WDFY4: variants seen among roughly 807,000 people sequenced by gnomAD.
WDFY4 encodes the protein WDFY family member 4.
In WDFY4, 169 loss-of-function variants were observed where a neutral mutation model predicts 351.9. That is an observed-to-expected ratio of 0.48 (90% CI 0.42 to 0.55). The LOEUF (loss-of-function observed/expected upper bound fraction) is 0.55. Ranked by LOEUF, WDFY4 falls within the 20% of genes least tolerant of loss-of-function variation. The pLI, the probability that WDFY4 is intolerant of heterozygous loss-of-function variation, is 0.00. For synonymous variants in WDFY4, 1,622 were observed against 1,574.6 expected, an observed-to-expected ratio of 1.03 and a Z score of -0.71; for missense variants, 3,803 against 3,935.6, an observed-to-expected ratio of 0.97 and a Z score of 0.90.
At chr10:48,686,463 A>G (rs1282129743) in intron 1 of WDFY4, among the ~76,000 whole-genome samples, 1 of 152,196 alleles carries the variant, frequency 6.6e-6, no homozygotes, top group Non-Finnish European at 1.5e-5. Context: ...CTTCATGCCC[A>G]TCTTTCACCT....
intron 19 of WDFY4, among the ~76,000 whole-genome samples, chr10:48,782,823 T>A (rs1473121329): frequency 2.0e-5 from 3 of 152,126 alleles, no homozygotes; most frequent in Non-Finnish European, 4.4e-5. Context: ...TTGGGCAAAA[T>A]GATTTGGGAA....
chr10:48,804,946 G>A (rs778549157), intron 25 of WDFY4, among the ~76,000 whole-genome samples: 6 of 152,076 alleles, frequency 3.9e-5, no homozygotes, highest in Non-Finnish European at 7.4e-5. Flanking sequence ...AGTGTCTGCT[G>A]TCTTTGTTTG....
At chr10:48,694,775 G>A (rs112858937) in intron 1 of WDFY4, among the ~76,000 whole-genome samples, 4 of 152,156 alleles carry the variant, frequency 2.6e-5, no homozygotes, top group African/African-American at 9.6e-5. Flanking sequence ...CACGCTGCCC[G>A]GGGTGCCTGT....
intron 55 of WDFY4, 121 bp from the exon 56 acceptor site, chr10:48,968,943 T>G: frequency 9.9e-7 from 1 of 1,008,996 alleles, no homozygotes. Context: ...CTGCAGTGGG[T>G]GCTGTCCTTC....
chr10:48,964,920 T>C (rs923759195), intron 54 of WDFY4, among the ~76,000 whole-genome samples: 8 of 152,198 alleles, frequency 5.3e-5, no homozygotes, highest in African/African-American at 1.9e-4. Flanking sequence ...TAAACTAACA[T>C]CTTTCTCTCT....
intron 1 of WDFY4, among the ~76,000 whole-genome samples, chr10:48,708,994 AC>A (rs1237018947): frequency 6.9e-6 from 1 of 144,410 alleles, no homozygotes. Flanking sequence ...TGAAAAAAAA[AC>A]AAACAAACAA....
At chr10:48,694,945 A>G (rs1007009580) in intron 1 of WDFY4, among the ~76,000 whole-genome samples, 2 of 152,104 alleles carry the variant, frequency 1.3e-5, no homozygotes, top group African/African-American at 4.8e-5. Context: ...GTCCCACTGC[A>G]TCTGCTTCCT....
chr10:48,924,467 T>G (rs971283040), intron 47 of WDFY4, among the ~76,000 whole-genome samples: 2 of 152,304 alleles, frequency 1.3e-5, no homozygotes, highest in Admixed American at 1.3e-4. Flanking sequence ...GGGAGAAAGA[T>G]GTAAGTAGAT....
At chr10:48,962,345 G>A (rs1725938202) in intron 53 of WDFY4, among the ~76,000 whole-genome samples, 1 of 152,160 alleles carries the variant, frequency 6.6e-6, no homozygotes, top group African/African-American at 2.4e-5. Context: ...CAGGTGACCT[G>A]GCTTCTTCAG....
Position 48,820,234 on chromosome 10 carries a change from G to A in WDFY4, c.5506G>A (p.Gly1836Arg), listed in dbSNP as rs925925066. 3 of 1,551,542 alleles carry A rather than the reference G, an allele frequency of 1.9e-6. No homozygotes were observed. The highest frequency in any genetic ancestry group is 2.6e-6 in the Non-Finnish European group (3 of 1,146,988). The change falls in exon 33 of 62, where the codon GGG becomes AGG. Residue 1836 changes from glycine to arginine, a missense_variant and splice_region_variant. Around this residue, in one of 3 missense-constraint regions of WDFY4, gnomAD observed 3,054 missense variants for 3,148.6 expected, o/e 0.97. Transcript: ENST00000325239. ...ATGTTGGGGTTCTCTTGTCTTTGAG[G>A]GGGTTGGGGCTGAGTCCACCCGGAA... is the stretch of plus-strand genomic sequence containing the variant. The part of the protein sequence containing the change: ...IAAFPLGAQK[G>R]VGAESTRNTS...
At chr10:48,739,294 G>A (rs1051545879) in intron 11 of WDFY4, among the ~76,000 whole-genome samples, 5 of 152,206 alleles carry the variant, frequency 3.3e-5, no homozygotes, top group Admixed American at 1.3e-4. Context: ...ACTCAGAGAC[G>A]ATGACTTGGT....
chr10:48,696,491 A>C (rs1213430482), intron 1 of WDFY4, among the ~76,000 whole-genome samples: 1 of 152,228 alleles, frequency 6.6e-6, no homozygotes, highest in Non-Finnish European at 1.5e-5. Context: ...CACATGCAGC[A>C]CTGTCTGGCC....
Position 48,727,477 on chromosome 10 carries a change from C to T in WDFY4, c.789C>T (p.Asp263=), listed in dbSNP as rs2064307997. 7.1e-6 allele frequency: 11 copies of T among 1,551,668 alleles called. No homozygotes were observed. Among genetic ancestry groups the T allele is most frequent in the Non-Finnish European group, 9.6e-6 (11 of 1,146,936 alleles). Residue 263 remains aspartate (D), a synonymous_variant, in exon 7 of 62, where the codon GAC becomes GAT. Transcript: ENST00000325239. The stretch of plus-strand genomic sequence containing the variant: ...TGTGCTTCCCTCCTGCAGCCACAGA[C>T]TGTGTCAGGCTCTCCCTCCAGAACC... ...LSIIQYLQAT[D]CVRLSLQNLS... is the part of the protein sequence containing the mutation.
At chr10:48,765,670 G>T (rs922054760) in intron 13 of WDFY4, among the ~76,000 whole-genome samples, 1 of 152,226 alleles carries the variant, frequency 6.6e-6, no homozygotes, top group Admixed American at 6.5e-5. Flanking sequence ...GCACTAGTGA[G>T]TGTACGTGCC....
At chr10:48,890,468 C>G in intron 43 of WDFY4, 111 bp from the exon 44 acceptor site, 8 of 1,323,516 alleles carry the variant, frequency 6.0e-6, no homozygotes, top group Non-Finnish European at 8.4e-6. Context: ...CAAGGCACTG[C>G]TCTCACCTCC....
chr10:48,953,611 A>G (rs748760812), intron 51 of WDFY4, among the ~76,000 whole-genome samples: 1 of 152,240 alleles, frequency 6.6e-6, no homozygotes, highest in Admixed American at 6.5e-5. Context: ...TTGCATGGGT[A>G]CTTTTAAATT....
chr10:48,935,614 G>A (rs1407792681), intron 47 of WDFY4, among the ~76,000 whole-genome samples: 5 of 152,168 alleles, frequency 3.3e-5, no homozygotes, highest in East Asian at 1.9e-4. Context: ...TTTTGAGAGG[G>A]CTGTCTTTCA....
At chr10:48,738,771 C>T (rs973590220) in intron 11 of WDFY4, among the ~76,000 whole-genome samples, 5 of 152,210 alleles carry the variant, frequency 3.3e-5, no homozygotes, top group African/African-American at 1.2e-4. Context: ...CAACTCTGCC[C>T]ATAGGGACTG....
intron 40 of WDFY4, among the ~76,000 whole-genome samples, chr10:48,872,891 A>G (rs1368835617): frequency 6.6e-6 from 1 of 152,204 alleles, no homozygotes; most frequent in Admixed American, 6.5e-5. Context: ...TCTGGAATCT[A>G]TGACATTAGG....
Sources: allele counts gnomAD v4.1 joint callset (sites outside exome capture counted in the v4.1 genomes callset), GRCh38; gene constraint gnomAD v4.1.1; regional missense constraint gnomAD v4.1.1; transcripts MANE v1.5; gene names NCBI Gene and HGNC (gene_info 2026-07-23, HGNC 2026-07-21).